Variants in LAMC2 observed in about 807,000 individuals in gnomAD.
LAMC2 encodes the protein laminin subunit gamma-2.
A neutral mutation model predicts 140.2 loss-of-function variants in LAMC2; 97 were observed. That is an observed-to-expected ratio of 0.69 (90% CI 0.59 to 0.82). The LOEUF is 0.82. LAMC2 is among the 40% of genes least tolerant of loss of function. The probability of loss-of-function intolerance (pLI) is 0.00; values close to 1 mark genes in which losing one functional copy is unlikely to be tolerated. For missense variants in LAMC2, 1,402 were observed against 1,476.1 expected, an observed-to-expected ratio of 0.95 and a Z score of 0.82; for synonymous variants, 513 against 540.2, an observed-to-expected ratio of 0.95 and a Z score of 0.70.
At chr1:183,253,305 TATATTATATTATTTATATAAGTGTTA>T in the LAMC2 span, among the ~76,000 whole-genome samples, 1 of 148,084 alleles carries the variant, frequency 6.8e-6, no homozygotes, top group Admixed American at 6.8e-5. Context: ...AATATTATAT[TATATTATATTATTTATATAAGTGTTA>T]ATATTATATT....
intron 2 of LAMC2, among the ~76,000 whole-genome samples, chr1:183,210,307 G>C (rs1486642249): frequency 6.6e-6 from 1 of 152,166 alleles, no homozygotes; most frequent in Non-Finnish European, 1.5e-5. Flanking sequence ...ACTCTGGGCA[G>C]GTTCCTTAAC....
At chr1:183,212,509 G>C (rs886522698) in intron 2 of LAMC2, among the ~76,000 whole-genome samples, 12 of 151,834 alleles carry the variant, frequency 7.9e-5, no homozygotes, top group African/African-American at 1.9e-4. Flanking sequence ...ATTAGACCCT[G>C]CCCTGAGACT....
chr1:183,251,832 A>G, the LAMC2 span: 1 of 158,632 alleles, frequency 6.3e-6, no homozygotes. Context: ...TCAGAACCCG[A>G]AAATCTCACT....
intron 3 of LAMC2, 96 bp from the exon 4 acceptor site, chr1:183,218,294 G>T: frequency 1.0e-6 from 1 of 996,332 alleles, no homozygotes; most frequent in Non-Finnish European, 1.6e-6. Flanking sequence ...GGACTGCCCA[G>T]CTTCGTGATG....
In LAMC2 at chr1:183,239,602, C is replaced by T. The variant is rs370469405; in HGVS notation, c.3069+39C>T. 18 of 1,538,832 alleles carry T rather than the reference C, an allele frequency of 1.2e-5. No individual in the cohort carries two copies. In the African/African-American group the frequency reaches 2.3e-4, roughly 20 times the overall value. ...GACATGTGTGTTGGTGCCAGTAGCA[C>T]CAAACACAAGGGTGGTGTGGAGGGA... On this transcript the variant is annotated intron_variant, in intron 20 of 22. Transcript: ENST00000264144.
chr1:183,240,072 G>T lies in LAMC2; in HGVS notation c.3102G>T (p.Val1034=), dbSNP rs1240875200. The part of the protein sequence containing the change: ...EIGSLNLEAN[V]TADGALAMEK... ...GGAGTCTGAACTTGGAAGCCAATGT[G>T]ACAGCAGATGGAGCCTTGGCCATGG... Residue 1034 remains valine (V), a synonymous_variant, in exon 21 of 23, where the codon GTG becomes GTT. Coordinates refer to ENST00000264144, the MANE Select transcript of LAMC2 (RefSeq NM_005562.3). The T allele has an allele frequency of 6.2e-7, 1 of 1,614,120 alleles. No homozygotes were observed. Among genetic ancestry groups the T allele is most frequent in the South Asian group, 1.1e-5 (1 of 91,076 alleles).
the LAMC2 span, among the ~76,000 whole-genome samples, chr1:183,253,438 G>A: frequency 1.3e-5 from 2 of 151,460 alleles, no homozygotes; most frequent in African/African-American, 2.4e-5. Context: ...TTCTTGTGGC[G>A]AGAATAGCTA....
At chr1:183,256,408 C>CA in the LAMC2 span, among the ~76,000 whole-genome samples, 5 of 151,450 alleles carry the variant, frequency 3.3e-5, no homozygotes, top group South Asian at 2.1e-4. Context: ...GACTCCATCT[C>CA]AAAAAAAATA....
At chr1:183,234,508 G>A (rs559977482) in intron 15 of LAMC2, 62 bp downstream of exon 15, 36 of 1,298,336 alleles carry the variant, frequency 2.8e-5, no homozygotes, top group Non-Finnish European at 3.8e-5. Context: ...ACTTGAATAA[G>A]AGTGTAGGGT....
In LAMC2 at chr1:183,228,470, A is replaced by T; in HGVS notation, c.1565A>T (p.Asn522Ile). ...RPCQPCQCNN[N>I]VDPSASGNCD... ...TGTCAGCCCTGTCAATGCAACAACA[A>T]TGTGGACCCCAGTGCCTCTGGGAAT... is the stretch of plus-strand genomic sequence containing the variant. The change falls in exon 11 of 23, where the codon AAT becomes ATT. Residue 522 changes from asparagine to isoleucine, a missense_variant. Physicochemically the swap from Asn to Ile is moderately radical, Grantham distance 149. Transcript: ENST00000264144. This position sits in a 1 kb window ranked among gnomAD's most constrained non-coding sequence, Gnocchi z 4.3. The T allele has an allele frequency of 6.2e-7, 1 of 1,613,860 alleles. No homozygotes were observed. Among genetic ancestry groups the T allele is most frequent in the Non-Finnish European group, 8.5e-7 (1 of 1,179,964 alleles).
At chr1:183,222,379 G>C (rs1395210362) in intron 6 of LAMC2, among the ~76,000 whole-genome samples, 168 bp downstream of exon 6, 2 of 152,152 alleles carry the variant, frequency 1.3e-5, no homozygotes, top group African/African-American at 4.8e-5. Flanking sequence ...CCTGATTTGA[G>C]AGTCACTAAG....
At chr1:183,188,865 C>T (rs775075533) in intron 1 of LAMC2, among the ~76,000 whole-genome samples, 16 of 152,134 alleles carry the variant, frequency 1.1e-4, no homozygotes, top group Non-Finnish European at 2.1e-4. Context: ...ATACTAGAAA[C>T]GTAGCCACCA....
intron 20 of LAMC2, 134 bp from the exon 21 acceptor site, chr1:183,239,906 A>G: frequency 1.6e-3 from 1,294 of 792,894 alleles, no homozygotes; most frequent in Non-Finnish European, 2.6e-3. Flanking sequence ...CCTAAGTCTG[A>G]TTCTCTCATT....
chr1:183,235,823 TA>T (rs1659945185), intron 16 of LAMC2, 93 bp downstream of exon 16: 1 of 1,264,184 alleles, frequency 7.9e-7, no homozygotes, highest in Admixed American at 1.9e-5. Context: ...ATGCTAGTTG[TA>T]AAAAACATAT....
intron 1 of LAMC2, among the ~76,000 whole-genome samples, chr1:183,199,455 TCCTC>T (rs1010664666): frequency 6.6e-6 from 1 of 151,810 alleles, no homozygotes; most frequent in Non-Finnish European, 1.5e-5. Context: ...TTTCCTTCCT[TCCTC>T]CCTCCCTCTC....
At chr1:183,243,083 G>C (rs971626820) in intron 22 of LAMC2, 64 bp from the exon 23 acceptor site, 1 of 1,585,450 alleles carries the variant, frequency 6.3e-7, no homozygotes, top group African/African-American at 1.3e-5. Flanking sequence ...AGAAGGGCAC[G>C]GGTGTTCAAG....
chr1:183,252,862 G>A, the LAMC2 span: 2 of 718,824 alleles, frequency 2.8e-6, no homozygotes, highest in African/African-American at 1.7e-5. Flanking sequence ...TGAGTAAATA[G>A]TTCTGTATTA....
At chr1:183,211,085 G>T (rs748033939) in intron 2 of LAMC2, among the ~76,000 whole-genome samples, 3 of 152,192 alleles carry the variant, frequency 2.0e-5, no homozygotes, top group Non-Finnish European at 4.4e-5. Context: ...GAAGCCAATG[G>T]CATTAATAAA....
At chr1:183,192,267 C>CTTTTTTTTTTTTT (rs1376158027) in intron 1 of LAMC2, among the ~76,000 whole-genome samples, 1 of 152,154 alleles carries the variant, frequency 6.6e-6, no homozygotes, top group African/African-American at 2.4e-5. Context: ...CTAACCGCGT[C>CTTTTTTTTTTTTT]TTTTTATTTA....
Sources: gnomAD v4.1 joint callset for allele counts (sites outside exome capture counted in the v4.1 genomes callset) on GRCh38, gnomAD v4.1.1 for gene constraint, Gnocchi (gnomAD v3.1) non-coding constraint, MANE v1.5 for transcripts, NCBI Gene and HGNC (gene_info 2026-07-23, HGNC 2026-07-21) for gene names.